The following SPPL3 variants were observed in gnomAD, a reference collection of about 807,000 sequenced individuals.
SPPL3 encodes the protein signal peptide peptidase like 3.
In SPPL3, 5 loss-of-function variants were observed where a neutral mutation model predicts 42.4. The ratio of observed to expected loss-of-function variants is 0.12; its 90% CI spans 0.06 to 0.25. SPPL3 has a LOEUF of 0.25. SPPL3 is among the 10% of genes least tolerant of loss of function. The probability of loss-of-function intolerance (pLI) is 1.00; values close to 1 mark genes in which losing one functional copy is unlikely to be tolerated. For missense variants in SPPL3, 235 were observed against 489.0 expected (o/e 0.48, Z 4.90); for synonymous variants, 195 against 181.8 (o/e 1.07, Z -0.58).
intron 2 of SPPL3, among the ~76,000 whole-genome samples, chr12:120,795,625 C>A (rs1030698464): frequency 6.6e-6 from 1 of 150,378 alleles, no homozygotes; most frequent in Non-Finnish European, 1.5e-5. Context: ...TGCTTTTTTG[C>A]CCCCTCTGGC....
chr12:120,821,545 A>G (rs1326265908), intron 1 of SPPL3, among the ~76,000 whole-genome samples: 2 of 152,260 alleles, frequency 1.3e-5, no homozygotes, highest in Admixed American at 1.3e-4. Flanking sequence ...AAAAAAAATT[A>G]TAATACAGCT....
At chr12:120,846,383 C>CT (rs1264239229) in intron 1 of SPPL3, among the ~76,000 whole-genome samples, 90 of 152,172 alleles carry the variant, frequency 5.9e-4, no homozygotes, top group African/African-American at 2.2e-3. Context: ...ATGCTGGGCT[C>CT]TTTAAATAGA....
chr12:120,789,824 C>CA (rs3050392), intron 3 of SPPL3, among the ~76,000 whole-genome samples: 4,367 of 30,356 alleles, frequency 0.14, 1,072 homozygotes, highest in Middle Eastern at 0.28. Context: ...GACTCCGTCT[C>CA]AAAAAAAAAA....
chr12:120,772,204 T>C (rs1592954468), intron 6 of SPPL3, among the ~76,000 whole-genome samples: 1 of 152,132 alleles, frequency 6.6e-6, no homozygotes, highest in Non-Finnish European at 1.5e-5. Context: ...GCATTTTTAG[T>C]AGAGACAGGG....
intron 2 of SPPL3, among the ~76,000 whole-genome samples, chr12:120,794,939 C>CT (rs1481864452): frequency 6.6e-6 from 1 of 152,148 alleles, no homozygotes; most frequent in South Asian, 2.1e-4. Context: ...TAGTATACAT[C>CT]TTTAACACAG....
intron 8 of SPPL3, 54 bp downstream of exon 8, chr12:120,768,271 G>C: frequency 6.4e-7 from 1 of 1,561,336 alleles, no homozygotes; most frequent in Non-Finnish European, 8.7e-7. Flanking sequence ...ATCAAGGCCG[G>C]GAACAGATAG....
At chr12:120,863,512 T>TA (rs1173957205) in intron 1 of SPPL3, among the ~76,000 whole-genome samples, 1 of 152,182 alleles carries the variant, frequency 6.6e-6, no homozygotes, top group East Asian at 1.9e-4. Context: ...TGTACTATGA[T>TA]ATATAGTTTG....
chr12:120,891,736 T>TAAAAAAAAAAAA (rs5801407), intron 1 of SPPL3, among the ~76,000 whole-genome samples: 1 of 134,648 alleles, frequency 7.4e-6, no homozygotes, highest in African/African-American at 2.8e-5. Context: ...TTGCAAATTC[T>TAAAAAAAAAAAA]AAAAAAAAAA....
intron 1 of SPPL3, among the ~76,000 whole-genome samples, chr12:120,831,164 G>C (rs1871415360): frequency 6.6e-6 from 1 of 152,086 alleles, no homozygotes; most frequent in Admixed American, 6.5e-5. Flanking sequence ...CTCAGATCAG[G>C]AGTTACACCA....
intron 1 of SPPL3, among the ~76,000 whole-genome samples, chr12:120,860,060 G>A (rs1872580861): frequency 6.6e-6 from 1 of 152,156 alleles, no homozygotes; most frequent in African/African-American, 2.4e-5. Context: ...AGGCAACATA[G>A]TGAGACCCCC....
At chr12:120,809,923 T>C (rs1398550896) in intron 2 of SPPL3, among the ~76,000 whole-genome samples, 3 of 152,318 alleles carry the variant, frequency 2.0e-5, no homozygotes, top group East Asian at 3.9e-4. Context: ...TGATGTAAAT[T>C]TCCATAAGGA....
intron 1 of SPPL3, among the ~76,000 whole-genome samples, chr12:120,875,394 A>G (rs1235969515): frequency 6.6e-6 from 1 of 152,176 alleles, no homozygotes; most frequent in African/African-American, 2.4e-5. Flanking sequence ...CTAAAAATAT[A>G]AAACAAAGAT....
At chr12:120,851,811 C>T (rs577307343) in intron 1 of SPPL3, among the ~76,000 whole-genome samples, 1 of 152,232 alleles carries the variant, frequency 6.6e-6, no homozygotes, top group East Asian at 1.9e-4. Context: ...ACCACATTGC[C>T]TAGGCTGGAC....
chr12:120,851,724 C>T (rs1311552370), intron 1 of SPPL3, among the ~76,000 whole-genome samples: 2 of 152,172 alleles, frequency 1.3e-5, no homozygotes, highest in Non-Finnish European at 2.9e-5. Context: ...CCAGCTCATC[C>T]TCCTGAGTAG....
intron 6 of SPPL3, among the ~76,000 whole-genome samples, chr12:120,782,387 GAC>G (rs1213563381): frequency 6.6e-6 from 1 of 152,206 alleles, no homozygotes; most frequent in Non-Finnish European, 1.5e-5. Flanking sequence ...AAACAAGTCA[GAC>G]ACAAAAGGCC....
intron 1 of SPPL3, among the ~76,000 whole-genome samples, chr12:120,865,649 A>G (rs955798634): frequency 6.6e-6 from 1 of 152,222 alleles, no homozygotes; most frequent in African/African-American, 2.4e-5. Flanking sequence ...TCTAAGTTGT[A>G]GCAATGAAAT....
chr12:120,859,222 A>G lies in SPPL3; in HGVS notation c.23+44623T>C, dbSNP rs370913233. On this transcript the variant is annotated intron_variant, in intron 1 of 10. Coordinates refer to ENST00000353487, the MANE Select transcript of SPPL3 (RefSeq NM_139015.5). ...ATATTTGTATTATACTTACTGGTTG[A>G]ACACTGCAAATCCAAAAATCCAAAA... Among the ~76,000 whole-genome samples the G allele has an allele frequency of 3.9e-5, 6 of 152,290 alleles. No homozygotes were observed. In the South Asian group the frequency reaches 1.2e-3, roughly 32 times the overall value.
intron 1 of SPPL3, among the ~76,000 whole-genome samples, chr12:120,836,852 C>T (rs1435624344): frequency 5.3e-5 from 8 of 152,086 alleles, no homozygotes; most frequent in South Asian, 2.1e-4. Flanking sequence ...CGTGCATATA[C>T]GAGTGCAAGT....
At chr12:120,871,144 A>AAAAAAAG (rs61249398) in intron 1 of SPPL3, among the ~76,000 whole-genome samples, 25 of 142,194 alleles carry the variant, frequency 1.8e-4, no homozygotes, top group African/African-American at 7.3e-4. Context: ...AAAAAAAAAA[A>AAAAAAAG]AAAAAGAAAA....
Sources: allele counts gnomAD v4.1 joint callset (sites outside exome capture counted in the v4.1 genomes callset), GRCh38; gene constraint gnomAD v4.1.1; transcripts MANE v1.5; gene names NCBI Gene and HGNC (gene_info 2026-07-23, HGNC 2026-07-21).